INTS2: variants seen among roughly 807,000 people sequenced by gnomAD.
INTS2 encodes integrator complex subunit 2.
Under a neutral mutation model 139.6 loss-of-function variants are expected in INTS2, and 57 were observed. That is an observed-to-expected ratio of 0.41 (90% CI 0.33 to 0.51). The LOEUF (loss-of-function observed/expected upper bound fraction) is 0.51. Among genes scored for constraint, INTS2 ranks in the 20% least tolerant of loss-of-function variants. INTS2 has a pLI of 0.28. For synonymous variants in INTS2, 473 were observed against 493.4 expected (o/e 0.96, Z 0.55); for missense variants, 1,196 against 1,436.7 (o/e 0.83, Z 2.71).
At chr17:61,901,785 A>C (rs936217908) in intron 9 of INTS2, among the ~76,000 whole-genome samples, 2 of 150,770 alleles carry the variant, frequency 1.3e-5, no homozygotes, top group Admixed American at 6.6e-5. Flanking sequence ...TTTAGTAGAG[A>C]CGGGGTTTCA....
At chr17:61,915,099 G>A (rs1247960959) in intron 5 of INTS2, among the ~76,000 whole-genome samples, 1 of 151,888 alleles carries the variant, frequency 6.6e-6, no homozygotes, top group Non-Finnish European at 1.5e-5. Flanking sequence ...AGCACTTTGG[G>A]AGGCCAAGGC....
chr17:61,872,282 C>T lies in INTS2; in HGVS notation c.2761G>A (p.Ala921Thr), dbSNP rs1358420670. Residue 921 changes from alanine (A) to threonine (T), a missense_variant, in exon 20 of 25, where the codon GCA (alanine) becomes ACA (threonine). Ala to Thr is a moderately conservative substitution (Grantham distance 58). Coordinates refer to ENST00000251334, the MANE Select transcript of INTS2 (RefSeq NM_001351695.2). This position sits in a 1 kb window ranked among gnomAD's most constrained non-coding sequence, Gnocchi z 4.8. ...AAATTTACCTGAGCGGCCAGTAATGCATTTTTCAATTCTTCCCTGGTAACT... is the reference window on the plus strand; with the variant it reads ...AAATTTACCTGAGCGGCCAGTAATGTATTTTTCAATTCTTCCCTGGTAACT... ...PEVTREELKN[A>T]LLAAQDSAAV... The T allele has an allele frequency of 6.2e-7, 1 of 1,609,322 alleles. No homozygotes were observed. Among genetic ancestry groups the T allele is most frequent in the Non-Finnish European group, 8.5e-7 (1 of 1,177,172 alleles).
intron 2 of INTS2, 100 bp from the exon 3 acceptor site, chr17:61,925,199 A>G (rs2079696963): frequency 7.1e-6 from 8 of 1,134,126 alleles, no homozygotes; most frequent in Non-Finnish European, 1.0e-5. Flanking sequence ...AAGGATGTAT[A>G]AAGTGTTCTA....
Position 61,926,655 on chromosome 17 carries a change from T to G in INTS2, c.-11A>C, listed in dbSNP as rs1439461725. On this transcript the variant is annotated 5_prime_UTR_variant, in exon 2 of 25. Coordinates refer to ENST00000251334, the MANE Select transcript of INTS2 (RefSeq NM_001351695.2). ...TGTACATTCAGTCATTATTACTGTT[T>G]GTTGATCCTAATGGTAAAAATACAA... 2 of 1,600,492 alleles carry G rather than the reference T, an allele frequency of 1.2e-6. No individual in the cohort carries two copies. Among genetic ancestry groups the G allele is most frequent in the African/African-American group, 2.7e-5 (2 of 74,800 alleles).
At chr17:61,919,376 A>G in intron 5 of INTS2, 24 bp downstream of exon 5, 2 of 1,188,620 alleles carry the variant, frequency 1.7e-6, no homozygotes, top group Non-Finnish European at 2.5e-6. Context: ...TCTTTTCAAT[A>G]TACCATATTA....
At chr17:61,922,872 GTT>G (rs2079661605) in intron 3 of INTS2, among the ~76,000 whole-genome samples, 1 of 151,972 alleles carries the variant, frequency 6.6e-6, no homozygotes, top group South Asian at 2.1e-4. Context: ...GAGGTCAGGA[GTT>G]CGAGACCAGC....
Position 61,921,903 on chromosome 17 carries a change from T to C in INTS2, c.433-76A>G, listed in dbSNP as rs1019013221. The C allele has an allele frequency of 2.7e-5, 21 of 764,758 alleles. No individual in the cohort carries two copies. In the African/African-American group the frequency reaches 3.5e-4, roughly 13 times the overall value. 47.4% of individuals were successfully genotyped at this position (764,758 alleles called of 1,614,324 possible). On this transcript the variant is annotated intron_variant, in intron 3 of 24. Coordinates refer to ENST00000251334, the MANE Select transcript of INTS2 (RefSeq NM_001351695.2). ...AATCCCTATTTTTATAATTATTTCT[T>C]GAGCTCACAGATTATGTCTCTTAAT...
At position 61,867,783 on chromosome 17, in the gene INTS2, C is replaced by A; in HGVS notation, c.3421+50G>T. 1 of 1,560,464 alleles carries A rather than the reference C, an allele frequency of 6.4e-7. No individual in the cohort carries two copies. The highest frequency in any genetic ancestry group is 8.7e-7 in the Non-Finnish European group (1 of 1,155,536). The stretch of plus-strand genomic sequence containing the variant: ...CAAGAAATTTGGAAAGGAATTTGGC[C>A]TTTTTGTTTGAGATATTAAGATAAC... On this transcript the variant is annotated intron_variant, in intron 24 of 24. Transcript: ENST00000251334. This position sits in a 1 kb window ranked among gnomAD's most constrained non-coding sequence, Gnocchi z 5.6.
At chr17:61,904,656 T>A in intron 8 of INTS2, 71 bp from the exon 9 acceptor site, 1 of 1,301,618 alleles carries the variant, frequency 7.7e-7, no homozygotes, top group Non-Finnish European at 1.0e-6. Flanking sequence ...ATTTTTAACC[T>A]TTTAGTTACA....
rs182704618 is a variant in INTS2 at position 61,873,693 on chromosome 17, T to C, written c.2582+1220A>G. 8.3e-4 allele frequency among the ~76,000 whole-genome samples: 126 copies of C among 152,322 alleles called. 1 individual carries two copies. The highest frequency in any genetic ancestry group is 2.9e-3 in the African/African-American group (120 of 41,586). On this transcript the variant is annotated intron_variant, in intron 19 of 24. Coordinates refer to ENST00000251334, the MANE Select transcript of INTS2 (RefSeq NM_001351695.2). The surrounding 1 kb of genome is among the most constrained non-coding windows in gnomAD (Gnocchi z 4.0). ...GATCTTAATCTTACCAAACCATATT[T>C]AGCTAATTTTGTAGATTTTGTCACT...
Position 61,872,958 on chromosome 17 carries a change from A to C in INTS2, c.2583-498T>G, listed in dbSNP as rs1011573026. Among the ~76,000 whole-genome samples the C allele has an allele frequency of 6.6e-6, 1 of 152,208 alleles. No individual in the cohort carries two copies. Among genetic ancestry groups the C allele is most frequent in the Non-Finnish European group, 1.5e-5 (1 of 68,030 alleles). On this transcript the variant is annotated intron_variant, in intron 19 of 24. Transcript: ENST00000251334. The surrounding 1 kb of genome is among the most constrained non-coding windows in gnomAD (Gnocchi z 4.8). The stretch of plus-strand genomic sequence containing the variant: ...AAAACATTATATCAAATAGTGCAGG[A>C]AAGTATATACTATCAAACACTGCTA...
rs952777850 is a variant in INTS2, at chr17:61,909,802, C to CGT, written c.954+1716_954+1717dup. 7.1e-6 allele frequency among the ~76,000 whole-genome samples: 1 copy of CGT among 140,860 alleles called. No individual in the cohort carries two copies. Among genetic ancestry groups the CGT allele is most frequent in the African/African-American group, 2.7e-5 (1 of 37,238 alleles). The allele number at this position is 140,860 out of a possible 152,430, so 92.4% of individuals were successfully genotyped here. ...GTTTGTGTGTGTGTATACATATATA[C>CGT]GTGTGTGTGTACATGTGTGTATGTG... On this transcript the variant is annotated intron_variant, in intron 7 of 24. Transcript: ENST00000251334. This position sits in a 1 kb window ranked among gnomAD's most constrained non-coding sequence, Gnocchi z 4.9.
At position 61,865,517 on chromosome 17, in the gene INTS2, C is replaced by G. The variant is rs1052161965; in HGVS notation, c.*2040G>C. 1 of 152,574 alleles carries G rather than the reference C, an allele frequency of 6.6e-6. No homozygotes were observed. The highest frequency in any genetic ancestry group is 1.5e-5 in the Non-Finnish European group (1 of 68,030). 9.5% of individuals were successfully genotyped at this position (152,574 alleles called of 1,614,324 possible). ...ATTAACATTTACTAATATATTTACA[C>G]ATTTTATTTACATCATCAACAAATC... On this transcript the variant is annotated 3_prime_UTR_variant, in exon 25 of 25. Coordinates refer to ENST00000251334, the MANE Select transcript of INTS2 (RefSeq NM_001351695.2). This position sits in a 1 kb window ranked among gnomAD's most constrained non-coding sequence, Gnocchi z 4.8.
At chr17:61,925,948 C>G (rs1449574650) in intron 2 of INTS2, among the ~76,000 whole-genome samples, 1 of 152,024 alleles carries the variant, frequency 6.6e-6, no homozygotes, top group African/African-American at 2.4e-5. Flanking sequence ...ATCGCTTGAA[C>G]CTGGGAGGCT....
rs1470337060 is a variant in INTS2 at position 61,914,346 on chromosome 17, C to T, written c.650-2276G>A. Among the ~76,000 whole-genome samples the T allele has an allele frequency of 2.6e-5, 4 of 152,022 alleles. No individual in the cohort carries two copies. In the East Asian group the frequency reaches 5.8e-4, roughly 22 times the overall value. On this transcript the variant is annotated intron_variant, in intron 5 of 24. Transcript: ENST00000251334. ...TTGAGGCAAGCGGACCACTTTAGCC[C>T]AGGAGTCTGAGACAGCACGGGTAAC... is the stretch of plus-strand genomic sequence containing the variant.
chr17:61,917,189 A>G (rs976341509), intron 5 of INTS2, among the ~76,000 whole-genome samples: 5 of 152,194 alleles, frequency 3.3e-5, no homozygotes. Flanking sequence ...TGTTGGTGGG[A>G]ATGTAAATTA....
intron 2 of INTS2, 60 bp downstream of exon 2, chr17:61,926,292 A>T: frequency 7.3e-7 from 1 of 1,366,656 alleles, no homozygotes; most frequent in Non-Finnish European, 1.0e-6. Flanking sequence ...GCTCTAAAAA[A>T]TATCTGATTC....
intron 9 of INTS2, among the ~76,000 whole-genome samples, chr17:61,901,381 G>C (rs2079403031): frequency 6.6e-6 from 1 of 151,320 alleles, no homozygotes; most frequent in African/African-American, 2.4e-5. Context: ...AAGCAGCTTA[G>C]AGAAAAGAAG....
At position 61,869,826 on chromosome 17, in the gene INTS2, TAC is replaced by T; in HGVS notation, c.2939_2940del (p.Cys980Ter). The T allele has an allele frequency of 6.2e-7, 1 of 1,613,954 alleles. No individual in the cohort carries two copies. The highest frequency in any genetic ancestry group is 8.5e-7 in the Non-Finnish European group (1 of 1,179,838). On this transcript the variant is annotated frameshift_variant, in exon 21 of 25. Coordinates refer to ENST00000251334, the MANE Select transcript of INTS2 (RefSeq NM_001351695.2). LOFTEE classifies it high-confidence loss of function. This position sits in a 1 kb window ranked among gnomAD's most constrained non-coding sequence, Gnocchi z 5.4. ...ATAAGGCACTGAACTTCTCGAAGGT[TAC>T]AGAGCAAATTGTCTTCTCCTTCCTC... ...GMEEGEDNLL[C>X]NLREVQCLIC...
Sources: gnomAD v4.1 joint callset for allele counts (sites outside exome capture counted in the v4.1 genomes callset) on GRCh38, gnomAD v4.1.1 for gene constraint, Gnocchi (gnomAD v3.1) non-coding constraint, MANE v1.5 for transcripts, NCBI Gene and HGNC (gene_info 2026-07-23, HGNC 2026-07-21) for gene names.